The following RABGAP1L variants were observed in gnomAD, a reference collection of about 807,000 sequenced individuals.
RABGAP1L encodes rab GTPase-activating protein 1-like.
A neutral mutation model predicts 137.7 loss-of-function variants in RABGAP1L; 63 were observed. The observed-to-expected ratio is 0.46, with a 90% confidence interval of 0.37 to 0.56. The LOEUF (loss-of-function observed/expected upper bound fraction) is 0.56, where lower values mean the gene tolerates loss of function less well. Ranked by LOEUF, RABGAP1L falls within the 20% of genes least tolerant of loss-of-function variation. The pLI, the probability that RABGAP1L is intolerant of heterozygous loss-of-function variation, is 0.00. For synonymous variants in RABGAP1L, 431 were observed against 433.7 expected (o/e 0.99, Z 0.08); for missense variants, 1,095 against 1,244.0 (o/e 0.88, Z 1.80).
At chr1:174,766,633 A>G (rs1158665070) in intron 18 of RABGAP1L, among the ~76,000 whole-genome samples, 1 of 152,238 alleles carries the variant, frequency 6.6e-6, no homozygotes, top group Non-Finnish European at 1.5e-5. Flanking sequence ...CCAAAAAGGC[A>G]ATAGGATTTT....
chr1:174,870,331 A>G (rs1651976481), intron 19 of RABGAP1L, among the ~76,000 whole-genome samples: 1 of 152,204 alleles, frequency 6.6e-6, no homozygotes, highest in Non-Finnish European at 1.5e-5. Flanking sequence ...AGGCTTCCCC[A>G]TCTGCAGAGG....
At chr1:174,451,330 G>A (rs1450574912) in intron 13 of RABGAP1L, among the ~76,000 whole-genome samples, 1 of 152,148 alleles carries the variant, frequency 6.6e-6, no homozygotes, top group Non-Finnish European at 1.5e-5. Context: ...TAGTTAGAAA[G>A]GACCCAGTGG....
intron 18 of RABGAP1L, among the ~76,000 whole-genome samples, chr1:174,782,879 A>G (rs144327638): frequency 3.9e-4 from 60 of 152,314 alleles, no homozygotes; most frequent in Non-Finnish European, 6.3e-4. Context: ...CAAATCATCT[A>G]TCATCTGAGA....
intron 10 of RABGAP1L, among the ~76,000 whole-genome samples, chr1:174,299,851 A>G (rs1677494609): frequency 6.6e-6 from 1 of 152,196 alleles, no homozygotes; most frequent in Non-Finnish European, 1.5e-5. Context: ...AAGTTATCAG[A>G]AGTCTGTGTT....
chr1:174,897,661 T>G (rs1228499980), intron 19 of RABGAP1L: 1 of 152,196 alleles, frequency 6.6e-6, no homozygotes, highest in Admixed American at 6.5e-5. Context: ...AACACTAAAA[T>G]GTACTTGCCT....
chr1:174,745,552 C>T (rs776323575), intron 17 of RABGAP1L, among the ~76,000 whole-genome samples: 2 of 152,174 alleles, frequency 1.3e-5, no homozygotes, highest in African/African-American at 4.8e-5. Context: ...GTCTGATAGA[C>T]CTGAGTTATA....
At chr1:174,825,021 T>C (rs910652341) in intron 19 of RABGAP1L, among the ~76,000 whole-genome samples, 1 of 152,236 alleles carries the variant, frequency 6.6e-6, no homozygotes, top group African/African-American at 2.4e-5. Context: ...CTTTTCTCAT[T>C]GCCAAACCCT....
intron 12 of RABGAP1L, among the ~76,000 whole-genome samples, chr1:174,387,910 A>G (rs942570854): frequency 6.6e-6 from 1 of 152,088 alleles, no homozygotes; most frequent in Non-Finnish European, 1.5e-5. Context: ...GGCCATTATT[A>G]TAATTATGTC....
At chr1:174,401,757 G>A (rs1194177472) in intron 13 of RABGAP1L, among the ~76,000 whole-genome samples, 1 of 152,140 alleles carries the variant, frequency 6.6e-6, no homozygotes, top group African/African-American at 2.4e-5. Context: ...GGGGAAGATA[G>A]TCAAAAAGGC....
intron 18 of RABGAP1L, among the ~76,000 whole-genome samples, chr1:174,767,955 C>T (rs1401868068): frequency 1.3e-5 from 2 of 152,102 alleles, no homozygotes. Flanking sequence ...CATCAGATTT[C>T]GTGAGACTTA....
intron 13 of RABGAP1L, among the ~76,000 whole-genome samples, chr1:174,531,082 GA>G (rs1237226804): frequency 6.6e-6 from 1 of 152,112 alleles, no homozygotes; most frequent in Non-Finnish European, 1.5e-5. Flanking sequence ...GTTATTGAGT[GA>G]AAGAAACCAT....
rs1571664427 is a variant in RABGAP1L, at chr1:174,408,995, T to C, written c.1710+14850T>C. 4.6e-5 allele frequency among the ~76,000 whole-genome samples: 7 copies of C among 152,306 alleles called. 1 individual carries two copies. Among genetic ancestry groups the C allele is most frequent in the Admixed American group, 4.6e-4 (7 of 15,296 alleles). ...TCAGATACGTAGTTTCTGAGTATGT[T>C]CTCCTATTCTGTAGGTTTTCTGTTT... On this transcript the variant is annotated intron_variant, in intron 13 of 25. Coordinates refer to ENST00000681986, the MANE Select transcript of RABGAP1L (RefSeq NM_001366446.1).
chr1:174,674,210 G>A (rs1287658319), intron 14 of RABGAP1L, among the ~76,000 whole-genome samples: 1 of 151,038 alleles, frequency 6.6e-6, no homozygotes, highest in African/African-American at 2.4e-5. Flanking sequence ...TTAGCATTAG[G>A]TGTATCTCCT....
At chr1:174,277,078 T>G (rs1675063741) in intron 9 of RABGAP1L, among the ~76,000 whole-genome samples, 1 of 152,116 alleles carries the variant, frequency 6.6e-6, no homozygotes, top group Non-Finnish European at 1.5e-5. Flanking sequence ...GATATGAAAA[T>G]ATAATATGTT....
intron 13 of RABGAP1L, among the ~76,000 whole-genome samples, chr1:174,418,316 G>GCATA: frequency 6.6e-6 from 1 of 152,250 alleles, no homozygotes; most frequent in South Asian, 2.1e-4. Context: ...ATTGTTTATG[G>GCATA]AACTCAATGT....
intron 19 of RABGAP1L, among the ~76,000 whole-genome samples, chr1:174,907,458 G>A (rs1317247363): frequency 6.6e-6 from 1 of 151,978 alleles, no homozygotes; most frequent in African/African-American, 2.4e-5. Flanking sequence ...GACTGCAGGT[G>A]TGTGCCACCA....
At chr1:174,986,993 T>A (rs552415255) in intron 24 of RABGAP1L, among the ~76,000 whole-genome samples, 1 of 152,232 alleles carries the variant, frequency 6.6e-6, no homozygotes, top group Admixed American at 6.5e-5. Context: ...GGCTAATTAT[T>A]CTCAGAGGTT....
intron 19 of RABGAP1L, among the ~76,000 whole-genome samples, chr1:174,829,159 G>A (rs1691859888): frequency 6.8e-6 from 1 of 147,454 alleles, no homozygotes; most frequent in Admixed American, 6.8e-5. Flanking sequence ...CATAGTAGAT[G>A]AATCAAGGAG....
intron 4 of RABGAP1L, 81 bp from the exon 5 acceptor site, chr1:174,241,400 TTA>T (rs869124334): frequency 1.5e-5 from 14 of 940,090 alleles, no homozygotes; most frequent in African/African-American, 3.3e-5. Flanking sequence ...TTCTTTTTTT[TTA>T]AAAAAAAAAA....
Sources: gnomAD v4.1 joint callset for allele counts (sites outside exome capture counted in the v4.1 genomes callset) on GRCh38, gnomAD v4.1.1 for gene constraint, MANE v1.5 for transcripts, NCBI Gene and HGNC (gene_info 2026-07-23, HGNC 2026-07-21) for gene names.